NUP210L: variants seen among roughly 807,000 people sequenced by gnomAD.
The protein encoded by NUP210L is nuclear pore membrane glycoprotein 210-like.
NUP210L carries 74 observed loss-of-function variants against 208.5 expected under a neutral mutation model. That is an observed-to-expected ratio of 0.35 (90% confidence interval 0.29 to 0.43). The LOEUF (loss-of-function observed/expected upper bound fraction) is 0.43, where lower values mean the gene tolerates loss of function less well. Among genes scored for constraint, NUP210L ranks in the 20% least tolerant of loss-of-function variants. NUP210L has a pLI of 1.00. For synonymous variants in NUP210L, 780 were observed against 816.9 expected, an observed-to-expected ratio of 0.95 and a Z score of 0.77; for missense variants, 1,843 against 2,289.4, an observed-to-expected ratio of 0.81 and a Z score of 3.98.
At chr1:154,071,928 G>A (rs1393209004) in intron 16 of NUP210L, among the ~76,000 whole-genome samples, 1 of 151,728 alleles carries the variant, frequency 6.6e-6, no homozygotes, top group Admixed American at 6.6e-5. Context: ...GAGCCACCAC[G>A]TCTGGCCCTA....
chr1:154,073,102 G>A (rs183986634), intron 16 of NUP210L, among the ~76,000 whole-genome samples: 25 of 152,270 alleles, frequency 1.6e-4, no homozygotes, highest in Admixed American at 3.3e-4. Context: ...TCATCAAAAA[G>A]TGGGCTAAGG....
rs1436419331 is a variant in NUP210L, at chr1:154,126,429, T to C, written c.1220A>G (p.Tyr407Cys). The C allele has an allele frequency of 1.9e-6, 3 of 1,613,440 alleles. No homozygotes were observed. The South Asian group carries it at 3.3e-5, about 18-fold the overall frequency. Residue 407 changes from tyrosine (Y) to cysteine (C), a missense_variant, in exon 10 of 40, where the codon TAC (tyrosine) becomes TGC (cysteine). Around this residue, in one of 5 missense-constraint regions of NUP210L, gnomAD observed 542 missense variants for 606.4 expected, o/e 0.89. Coordinates refer to ENST00000368559, the Ensembl canonical transcript of NUP210L. ...CACGGTAGTTAGTTGCTCTTCAAAG[T>C]ACTCCTTAGGAAAGTCGTATGTAAT...
chr1:154,015,743 A>C (rs1242994979), intron 33 of NUP210L, among the ~76,000 whole-genome samples: 47 of 150,562 alleles, frequency 3.1e-4, no homozygotes, highest in African/African-American at 1.1e-3. Context: ...ACACACACAC[A>C]CACACACCCC....
intron 10 of NUP210L, 76 bp downstream of exon 10, chr1:154,126,247 T>A (rs1308760137): frequency 9.3e-6 from 12 of 1,297,132 alleles, no homozygotes; most frequent in Non-Finnish European, 1.3e-5. Flanking sequence ...ATGCTATATA[T>A]CTGCTTGCAA....
chr1:154,027,660 T>C lies in NUP210L; in HGVS notation c.3856-63A>G. ...ACAAATTATGACTTTTACTTACATA[T>C]AGACTTCAGTATAATCCCGAAGAGA... On this transcript the variant is annotated intron_variant, in intron 28 of 39. Transcript: ENST00000368559. The C allele has an allele frequency of 7.0e-6, 7 of 999,546 alleles. No individual in the cohort carries two copies. The South Asian group carries it at 8.0e-5, about 11-fold the overall frequency. The allele number at this position is 999,546 out of a possible 1,614,324, so 61.9% of individuals were successfully genotyped here.
intron 13 of NUP210L, among the ~76,000 whole-genome samples, chr1:154,100,485 T>G (rs957375862): frequency 2.1e-5 from 3 of 141,778 alleles, no homozygotes; most frequent in African/African-American, 2.6e-5. Flanking sequence ...ATGATTTCAG[T>G]GGGGTAACAA....
chr1:154,151,816 C>T (rs548844262), intron 2 of NUP210L, among the ~76,000 whole-genome samples: 194 of 152,056 alleles, frequency 1.3e-3, no homozygotes, highest in Admixed American at 2.1e-3. Context: ...TGTCCGGGCA[C>T]GGTGGCTCAC....
intron 8 of NUP210L, among the ~76,000 whole-genome samples, chr1:154,128,580 G>A (rs1658098890): frequency 6.6e-6 from 1 of 151,794 alleles, no homozygotes; most frequent in South Asian, 2.1e-4. Flanking sequence ...GCTGGGCATG[G>A]TGGTTCACAC....
chr1:154,015,405 G>A (rs1651179700), intron 33 of NUP210L, among the ~76,000 whole-genome samples: 1 of 151,874 alleles, frequency 6.6e-6, no homozygotes, highest in African/African-American at 2.4e-5. Flanking sequence ...GGGCAACAGG[G>A]TGAAACCCCA....
At chr1:154,006,886 G>GTATACACATATACATATA (rs1242043201) in intron 35 of NUP210L, among the ~76,000 whole-genome samples, 2 of 123,540 alleles carry the variant, frequency 1.6e-5, no homozygotes, top group African/African-American at 6.0e-5. Flanking sequence ...ACATACATAT[G>GTATACACATATACATATA]TATACACATA....
At chr1:154,099,935 C>T (rs1222404748) in intron 14 of NUP210L, 63 bp downstream of exon 14, 4 of 1,501,002 alleles carry the variant, frequency 2.7e-6, no homozygotes, top group Non-Finnish European at 2.8e-6. Flanking sequence ...CTAGTAAGCC[C>T]ATAAGCAGAC....
intron 10 of NUP210L, among the ~76,000 whole-genome samples, chr1:154,124,475 T>C (rs1657781935): frequency 6.6e-6 from 1 of 152,208 alleles, no homozygotes; most frequent in African/African-American, 2.4e-5. Context: ...CTTATCCCTT[T>C]ACTCAATAAC....
At chr1:154,021,281 T>C (rs1430879206) in intron 32 of NUP210L, among the ~76,000 whole-genome samples, 1 of 152,128 alleles carries the variant, frequency 6.6e-6, no homozygotes, top group Non-Finnish European at 1.5e-5. Flanking sequence ...CAGAAATGCT[T>C]TGTTTTCAAG....
At chr1:154,055,145 T>TTC (rs1653768510) in intron 23 of NUP210L, among the ~76,000 whole-genome samples, 1 of 104,464 alleles carries the variant, frequency 9.6e-6, no homozygotes, top group African/African-American at 4.6e-5. Flanking sequence ...CTTTCTTTCT[T>TTC]TCTTTCTTTC....
intron 23 of NUP210L, among the ~76,000 whole-genome samples, chr1:154,055,135 C>CTT (rs1279974747): frequency 1.4e-5 from 1 of 70,544 alleles, no homozygotes; most frequent in Admixed American, 1.7e-4. Context: ...TTCTTTCTTT[C>CTT]TTTCTTTCTT....
chr1:154,053,434 C>G (rs867363729), intron 25 of NUP210L, among the ~76,000 whole-genome samples: 3 of 152,338 alleles, frequency 2.0e-5, no homozygotes, highest in Middle Eastern at 3.4e-3. Context: ...TGGGAACAGG[C>G]CCCCAAATCT....
chr1:154,031,511 C>G (rs1013257376), intron 27 of NUP210L, among the ~76,000 whole-genome samples: 3 of 151,636 alleles, frequency 2.0e-5, no homozygotes, highest in Middle Eastern at 3.4e-3. Context: ...AATTAAGCAT[C>G]CCCACTTCCC....
At chr1:154,045,752 T>A (rs563353567) in intron 27 of NUP210L, among the ~76,000 whole-genome samples, 1 of 152,032 alleles carries the variant, frequency 6.6e-6, no homozygotes, top group South Asian at 2.1e-4. Context: ...GAGGTCACAG[T>A]GGGTGGATCA....
intron 7 of NUP210L, among the ~76,000 whole-genome samples, chr1:154,134,709 C>CCTGGG (rs981211276): frequency 2.7e-5 from 3 of 110,608 alleles, no homozygotes; most frequent in Non-Finnish European, 5.0e-5. Flanking sequence ...TGCACTCCGG[C>CCTGGG]CTGGGCGACA....
Sources: allele counts gnomAD v4.1 joint callset (sites outside exome capture counted in the v4.1 genomes callset), GRCh38; gene constraint gnomAD v4.1.1; regional missense constraint gnomAD v4.1.1; transcripts MANE v1.5; gene names NCBI Gene and HGNC (gene_info 2026-07-23, HGNC 2026-07-21).